Variants in CDC34 observed in about 807,000 individuals in gnomAD.
CDC34 encodes the protein cell division cycle 34, ubiquitin conjugating enzyme, also known as ubiquitin-conjugating enzyme E2 R1.
A neutral mutation model predicts 26.8 loss-of-function variants in CDC34; 18 were observed. The observed-to-expected ratio is 0.67, with a 90% CI of 0.47 to 1.00. CDC34 has a LOEUF of 1.00. CDC34 is among the 50% of genes least tolerant of loss of function. CDC34 has a pLI of 0.00. For missense variants in CDC34, 280 were observed against 334.5 expected, an observed-to-expected ratio of 0.84 and a Z score of 1.27; for synonymous variants, 178 against 147.5, an observed-to-expected ratio of 1.21 and a Z score of -1.50.
intron 4 of CDC34, among the ~76,000 whole-genome samples, chr19:537,818 G>C (rs1979831247): frequency 6.6e-6 from 1 of 151,666 alleles, no homozygotes; most frequent in Admixed American, 6.6e-5. Context: ...ACCACGCCGA[G>C]CTAATTTTTG....
rs1308528835 is a variant in CDC34 at position 531,845 on chromosome 19, G to T, written c.-87G>T. 1.6e-5 allele frequency: 14 copies of T among 850,836 alleles called. No individual in the cohort carries two copies. The South Asian group carries it at 7.4e-4, about 45-fold the overall frequency. 52.7% of individuals were successfully genotyped at this position (850,836 alleles called of 1,614,324 possible). ...CGGCGGCCCCGGTGGCTCCCCCCCG[G>T]ACGGTGCGCGGCCCGGCCCGTCTCG... On this transcript the variant is annotated 5_prime_UTR_variant, in exon 1 of 5. Transcript: ENST00000215574.
intron 1 of CDC34, among the ~76,000 whole-genome samples, chr19:534,438 C>T (rs1245070729): frequency 1.3e-5 from 2 of 148,236 alleles, no homozygotes; most frequent in East Asian, 4.1e-4. Context: ...GTCCAGACCT[C>T]GCCCACGATC....
chr19:541,335 C>A lies in CDC34; in HGVS notation c.498-4C>A, dbSNP rs749482311. 22 of 1,558,758 alleles carry A rather than the reference C, an allele frequency of 1.4e-5. No individual in the cohort carries two copies. Among genetic ancestry groups the A allele is most frequent in the Non-Finnish European group, 1.6e-5 (18 of 1,155,404 alleles). On this transcript the variant is annotated splice_region_variant and splice_polypyrimidine_tract_variant and intron_variant, in intron 4 of 4. Coordinates refer to ENST00000215574, the MANE Select transcript of CDC34 (RefSeq NM_004359.2). Reference sequence around the variant, plus strand: ...TGGCGCCCTCACCCACCCTGTCCCCCCAGGAAGCAGGTCCTGGGGACCAAG... The same window carrying A: ...TGGCGCCCTCACCCACCCTGTCCCCACAGGAAGCAGGTCCTGGGGACCAAG...
intron 4 of CDC34, among the ~76,000 whole-genome samples, chr19:539,692 G>A (rs1168545023): frequency 2.0e-5 from 3 of 152,126 alleles, no homozygotes; most frequent in South Asian, 2.1e-4. Context: ...ATAGGGGCTC[G>A]AGCCCATTGC....
At position 541,513 on chromosome 19, in the gene CDC34, C is replaced by A. The variant is rs777308193; in HGVS notation, c.672C>A (p.Phe224Leu). ...GEVEEEADSC[F>L]GDDEDDSGTE... ...TGGAGGAGGAGGCCGACAGCTGCTT[C>A]GGGGACGATGAGGATGACTCTGGCA... Residue 224 changes from phenylalanine (F) to leucine (L), a missense_variant, in exon 5 of 5, where the codon TTC (phenylalanine) becomes TTA (leucine). By Grantham distance (22) the Phe-to-Leu change is conservative. Coordinates refer to ENST00000215574, the MANE Select transcript of CDC34 (RefSeq NM_004359.2). 6.2e-7 allele frequency: 1 copy of A among 1,607,524 alleles called. No individual in the cohort carries two copies. The highest frequency in any genetic ancestry group is 1.7e-5 in the Admixed American group (1 of 59,520).
chr19:535,750 GGGAGTGGGATGGCCTTGGGCACCTTGTGA>G, intron 1 of CDC34, 58 bp from the exon 2 acceptor site: 1 of 986,596 alleles, frequency 1.0e-6, no homozygotes, highest in Non-Finnish European at 1.6e-6. Flanking sequence ...CACCAGCACT[GGGAGTGGGATGGCCTTGGGCACCTTGTGA>G]GCTGGGGCAG....
chr19:536,689 G>A lies in CDC34; in HGVS notation c.363-324G>A, dbSNP rs144217837. The A allele has an allele frequency of 5.6e-4, 294 of 524,524 alleles. 2 individuals carry two copies. Among genetic ancestry groups the A allele is most frequent in the African/African-American group, 4.7e-3 (248 of 52,730 alleles). 32.5% of individuals were successfully genotyped at this position (524,524 alleles called of 1,614,324 possible). The stretch of plus-strand genomic sequence containing the variant: ...GTGCCACGTGTGCCGCCTGGGCCTC[G>A]TCCCCAGGTACAAGCACTGGGCCGT... On this transcript the variant is annotated intron_variant, in intron 3 of 4. Transcript: ENST00000215574.
chr19:536,607 G>A (rs1215826952), intron 3 of CDC34: 2 of 572,224 alleles, frequency 3.5e-6, no homozygotes, highest in Non-Finnish European at 6.3e-6. Context: ...GAGGTGTCCC[G>A]CCATCCTCAG....
chr19:539,451 G>T (rs374183557), intron 4 of CDC34, among the ~76,000 whole-genome samples: 3 of 152,152 alleles, frequency 2.0e-5, no homozygotes, highest in African/African-American at 7.2e-5. Flanking sequence ...CAGCCCATCG[G>T]AGAGCTTGGA....
intron 4 of CDC34, among the ~76,000 whole-genome samples, chr19:540,804 CGGTTT>C (rs1979975993): frequency 9.3e-5 from 1 of 10,722 alleles, no homozygotes; most frequent in South Asian, 2.9e-3. Context: ...CCAGGCCCCC[CGGTTT>C]AGAATCCGGA....
chr19:539,174 C>G (rs2288954), intron 4 of CDC34: 92,567 of 253,578 alleles, frequency 0.37, 19,880 homozygotes, highest in East Asian at 0.56. Flanking sequence ...TGCCGTGGAG[C>G]CCGGCTTGGT....
chr19:532,031 G>A lies in CDC34; in HGVS notation c.100G>A (p.Asp34Asn). 1 of 1,518,830 alleles carries A rather than the reference G, an allele frequency of 6.6e-7. No homozygotes were observed. The highest frequency in any genetic ancestry group is 1.3e-5 in the South Asian group (1 of 77,986). The allele number at this position is 1,518,830 out of a possible 1,614,324, so 94.1% of individuals were successfully genotyped here. A position where few individuals can be genotyped will look rare whatever the true frequency, so the allele number is the denominator to read the frequency against. The change falls in exon 1 of 5, where the codon GAC becomes AAC. Residue 34 changes from aspartate (D) to asparagine (N), a missense_variant. Transcript: ENST00000215574. ...CGAGGGATTCCGCGTGACACTGGTG[G>A]ACGAGGGCGATCTATACAACTGGGA... ...PVEGFRVTLV[D>N]EGDLYNWEVA...
intron 1 of CDC34, among the ~76,000 whole-genome samples, chr19:533,199 G>A (rs1230918249): frequency 6.6e-6 from 1 of 152,120 alleles, no homozygotes; most frequent in African/African-American, 2.4e-5. Context: ...TGTGTGAGCG[G>A]TGGGGAACGA....
intron 1 of CDC34, among the ~76,000 whole-genome samples, chr19:532,510 C>T (rs1448837108): frequency 6.6e-6 from 1 of 152,210 alleles, no homozygotes; most frequent in Non-Finnish European, 1.5e-5. Flanking sequence ...GGAGCGGAGC[C>T]CAGGCCGCGC....
rs1172493814 is a variant in CDC34 at position 531,892 on chromosome 19, GC to G, written c.-36del. On this transcript the variant is annotated 5_prime_UTR_variant, in exon 1 of 5. Transcript: ENST00000215574. ...CTCGCGAACTCGCGGTGGTCGCGCG[GC>G]CCCGCGCTGCTCCGACCCCGGGCCC... 24 of 1,302,238 alleles carry G rather than the reference GC, an allele frequency of 1.8e-5. No homozygotes were observed. Among genetic ancestry groups the G allele is most frequent in the Non-Finnish European group, 2.3e-5 (24 of 1,025,282 alleles). 80.7% of individuals were successfully genotyped at this position (1,302,238 alleles called of 1,614,324 possible). A position where few individuals can be genotyped will look rare whatever the true frequency, so the allele number is the denominator to read the frequency against.
chr19:536,014 C>T lies in CDC34; in HGVS notation c.264+91C>T, dbSNP rs137932806. 3.1e-3 allele frequency: 4,047 copies of T among 1,286,334 alleles called. 87 individuals are homozygous for T. In the African/African-American group the frequency reaches 0.051, roughly 16 times the overall value. 79.7% of individuals were successfully genotyped at this position (1,286,334 alleles called of 1,614,324 possible). On this transcript the variant is annotated intron_variant, in intron 2 of 4. Transcript: ENST00000215574. ...GTCCTCATCCTTCCGGGACCCGGGG[C>T]GCTGGGAGCCTCACGTCCTCGTCCT...
At chr19:540,120 C>T (rs1214336306) in intron 4 of CDC34, among the ~76,000 whole-genome samples, 1 of 67,030 alleles carries the variant, frequency 1.5e-5, no homozygotes, top group African/African-American at 4.1e-5. Context: ...TGGCCAGGCC[C>T]CCCACGTTTA....
rs1403833110 is a variant in CDC34 at position 536,274 on chromosome 19, C to T, written c.296C>T (p.Pro99Leu). ...GACGTGTGTATCTCCATCCTCCACC[C>T]GCCGGTGGACGACCCCCAGAGCGGG... is the stretch of plus-strand genomic sequence containing the variant. The part of the protein sequence containing the change: ...TGDVCISILH[P>L]PVDDPQSGEL... The change falls in exon 3 of 5, where the codon CCG becomes CTG. Residue 99 changes from proline to leucine, a missense_variant. Physicochemically the swap from Pro to Leu is moderately conservative, Grantham distance 98 (BLOSUM62 -3). Transcript: ENST00000215574. 5 of 1,610,764 alleles carry T rather than the reference C, an allele frequency of 3.1e-6. No homozygotes were observed. The highest frequency in any genetic ancestry group is 1.7e-5 in the Admixed American group (1 of 59,768).
At chr19:535,023 C>T (rs1472930606) in intron 1 of CDC34, among the ~76,000 whole-genome samples, 1 of 152,230 alleles carries the variant, frequency 6.6e-6, no homozygotes, top group East Asian at 1.9e-4. Flanking sequence ...GGCACTGGGG[C>T]CCAGCAGGAA....
Sources: allele counts gnomAD v4.1 joint callset (sites outside exome capture counted in the v4.1 genomes callset), GRCh38; gene constraint gnomAD v4.1.1; transcripts MANE v1.5; gene names NCBI Gene and HGNC (gene_info 2026-07-23, HGNC 2026-07-21).